Variants in GMCL2 observed in about 807,000 individuals in gnomAD.
GMCL2 encodes germ cell-less 2, spermatogenesis associated.
In GMCL2, 33 loss-of-function variants were observed where a neutral mutation model predicts 36.2. The observed-to-expected ratio is 0.91, with a 90% CI of 0.69 to 1.22. The LOEUF (loss-of-function observed/expected upper bound fraction) is 1.22. Among genes scored for constraint, GMCL2 ranks in the 50% most tolerant of loss-of-function variants. The pLI is 0.00. For missense variants in GMCL2, 478 were observed against 514.5 expected, an observed-to-expected ratio of 0.93 and a Z score of 0.69; for synonymous variants, 172 against 184.3, an observed-to-expected ratio of 0.93 and a Z score of 0.54.
At position 178,186,356 on chromosome 5, in the gene GMCL2, C is replaced by T. The variant is rs753440054; in HGVS notation, c.944G>A (p.Gly315Asp). 1 of 1,536,638 alleles carries T rather than the reference C, an allele frequency of 6.5e-7. No homozygotes were observed. The highest frequency in any genetic ancestry group is 1.1e-5 in the South Asian group (1 of 89,450). ...TGGTTCAGTTTCAAGAAAGGCCATA[C>T]CTTCAAAATCTTTTCTCTGTTTAGA... ...WFSKQRKDFE[G>D]MAFLETEPGK... The change falls in exon 1 of 1, where the codon GGT becomes GAT. Residue 315 changes from glycine (G) to aspartate (D), a missense_variant. Transcript: ENST00000463439.
At position 178,184,582 on chromosome 5, in the gene GMCL2, C is replaced by T. The variant is rs1030640055; in HGVS notation, c.*1137G>A. Among the ~76,000 whole-genome samples, 28 of 152,140 alleles carry T rather than the reference C, an allele frequency of 1.8e-4. No individual in the cohort carries two copies. The highest frequency in any genetic ancestry group is 6.8e-4 in the African/African-American group (28 of 41,434). On this transcript the variant is annotated 3_prime_UTR_variant, in exon 1 of 1. Coordinates refer to ENST00000463439, the MANE Select transcript of GMCL2 (RefSeq NM_001358008.2). Reference sequence around the variant, plus strand: ...TTTTAAAAGCCAGAATAAAAATATACATTAACCACAGAAGTACTTACTCTA... The same window carrying T: ...TTTTAAAAGCCAGAATAAAAATATATATTAACCACAGAAGTACTTACTCTA...
At position 178,186,884 on chromosome 5, in the gene GMCL2, G is replaced by T. The variant is rs781097846; in HGVS notation, c.416C>A (p.Ser139Tyr). The T allele has an allele frequency of 6.2e-7, 1 of 1,609,306 alleles. No homozygotes were observed. The highest frequency in any genetic ancestry group is 1.7e-5 in the Admixed American group (1 of 60,008). ...SGYFSSMFSG[S>Y]WKESSMNIIE... ...AATATTCATGCTGGATTCTTTCCAAGAACCACTGAACATACTAGAAAAGTA... is the reference window on the plus strand; with the variant it reads ...AATATTCATGCTGGATTCTTTCCAATAACCACTGAACATACTAGAAAAGTA... The change falls in exon 1 of 1, where the codon TCT becomes TAT. Residue 139 changes from serine to tyrosine, a missense_variant. By Grantham distance (144) the Ser-to-Tyr change is moderately radical (BLOSUM62 -2). Coordinates refer to ENST00000463439, the MANE Select transcript of GMCL2 (RefSeq NM_001358008.2).
Position 178,187,348 on chromosome 5 carries a change from GGCCATGGCCCGGC to G in GMCL2, c.-62_-50del. The G allele has an allele frequency of 2.8e-6, 2 of 712,980 alleles. No homozygotes were observed. The highest frequency in any genetic ancestry group is 1.8e-5 in the African/African-American group (1 of 56,086). The allele number at this position is 712,980 out of a possible 1,614,324, so 44.2% of individuals were successfully genotyped here. On this transcript the variant is annotated 5_prime_UTR_variant, in exon 1 of 1. The change abolishes an upstream ATG in the 5' untranslated region. Coordinates refer to ENST00000463439, the MANE Select transcript of GMCL2 (RefSeq NM_001358008.2). ...AGGGAGCCCAGAGGAGGGGGTCTCT[GGCCATGGCCCGGC>G]CGCCGCCGCCAGCCTTCCCCGAGCA...
At position 178,186,424 on chromosome 5, in the gene GMCL2, A is replaced by T. The variant is rs1388984935; in HGVS notation, c.876T>A (p.Asn292Lys). 4.3e-6 allele frequency: 7 copies of T among 1,611,512 alleles called. No homozygotes were observed. The highest frequency in any genetic ancestry group is 5.1e-6 in the Non-Finnish European group (6 of 1,177,652). ...WMFLQLVPSW[N>K]GSLKQLLTET... is the part of the protein sequence containing the mutation. ...CTGTCAAAAGCTGTTTTAAAGATCC[A>T]TTCCAAGAAGGCACAAGTTGAAGGA... Residue 292 changes from asparagine to lysine, a missense_variant, in exon 1 of 1, where the codon AAT becomes AAA. By Grantham distance (94) the Asn-to-Lys change is moderately conservative. Around this residue, in one of 5 missense-constraint regions of GMCL2, gnomAD observed 175 missense variants for 208.0 expected, o/e 0.84. Transcript: ENST00000463439.
In GMCL2 at chr5:178,186,807, C is replaced by T. The variant is rs1430153262; in HGVS notation, c.493G>A (p.Ala165Thr). Residue 165 changes from alanine (A) to threonine (T), a missense_variant, in exon 1 of 1, where the codon GCG (alanine) becomes ACG (threonine). Ala to Thr is a moderately conservative substitution (Grantham distance 58). Transcript: ENST00000463439. The stretch of plus-strand genomic sequence containing the variant: ...TCATCTCGATACAGTGAACCAAACG[C>T]AACCTGCAGTGCGTCTACATCAATG... ...QNIDVDALQV[A>T]FGSLYRDDVL... 2 of 1,610,378 alleles carry T rather than the reference C, an allele frequency of 1.2e-6. No individual in the cohort carries two copies. The highest frequency in any genetic ancestry group is 1.3e-5 in the African/African-American group (1 of 74,958).
At position 178,187,271 on chromosome 5, in the gene GMCL2, C is replaced by A; in HGVS notation, c.29G>T (p.Gly10Val). MGSSSSRVL[G>V]QPRRALAQQE... is the part of the protein sequence containing the mutation. ...CTGGGCAAGGGCTCGCCTCGGCTGG[C>A]CCAGCACCCGGCTGCTCGACGATCC... is the stretch of plus-strand genomic sequence containing the variant. The change falls in exon 1 of 1, where the codon GGC becomes GTC. Residue 10 changes from glycine to valine, a missense_variant. By Grantham distance (109) the Gly-to-Val change is moderately radical. Coordinates refer to ENST00000463439, the MANE Select transcript of GMCL2 (RefSeq NM_001358008.2). 1.1e-6 allele frequency: 1 copy of A among 941,040 alleles called. No individual in the cohort carries two copies. The highest frequency in any genetic ancestry group is 1.7e-6 in the Non-Finnish European group (1 of 605,084). 58.3% of individuals were successfully genotyped at this position (941,040 alleles called of 1,614,324 possible). A position where few individuals can be genotyped will look rare whatever the true frequency, so the allele number is the denominator to read the frequency against.
chr5:178,186,932 T>G lies in GMCL2; in HGVS notation c.368A>C (p.Lys123Thr). The change falls in exon 1 of 1, where the codon AAA becomes ACA. Residue 123 changes from lysine (K) to threonine (T), a missense_variant. By Grantham distance (78) the Lys-to-Thr change is moderately conservative. This residue lies in a region of GMCL2 where 36 missense variants were observed against 78.1 expected (regional missense o/e 0.46). Transcript: ENST00000463439. Reference sequence around the variant, plus strand: ...GTAGCCAGATTGACATAAATATATTTTGTGTAATCGCCATTCTTCTCCTAG... The same window carrying G: ...GTAGCCAGATTGACATAAATATATTGTGTGTAATCGCCATTCTTCTCCTAG... ...CALGEEWRLH[K>T]IYLCQSGYFS... 1 of 1,560,974 alleles carries G rather than the reference T, an allele frequency of 6.4e-7. No individual in the cohort carries two copies. The highest frequency in any genetic ancestry group is 8.8e-7 in the Non-Finnish European group (1 of 1,131,322).
rs1240737792 is a variant in GMCL2, at chr5:178,186,404, A to G, written c.896T>C (p.Leu299Ser). 5 of 1,611,686 alleles carry G rather than the reference A, an allele frequency of 3.1e-6. No homozygotes were observed. In the African/African-American group the frequency reaches 6.7e-5, roughly 22 times the overall value. Residue 299 changes from leucine to serine, a missense_variant, in exon 1 of 1, where the codon TTG becomes TCG. Leu to Ser is a moderately radical substitution (Grantham distance 145). Transcript: ENST00000463439. ...AGAAAACCAGACATCTGTTTCTGTC[A>G]AAAGCTGTTTTAAAGATCCATTCCA... Reference protein sequence around the residue: ...PSWNGSLKQLLTETDVWFSKQ... With the variant: ...PSWNGSLKQLSTETDVWFSKQ...
Position 178,187,074 on chromosome 5 carries a change from C to A in GMCL2, c.226G>T (p.Asp76Tyr). ...GTGTTGAGGAGCGGCTGCTGCTTGTCCCCCTCCTCCTCATGCTCCTCCCTG... is the reference window on the plus strand; with the variant it reads ...GTGTTGAGGAGCGGCTGCTGCTTGTACCCCTCCTCCTCATGCTCCTCCCTG... ...SHREEHEEEG[D>Y]KQQPLLNTPA... The change falls in exon 1 of 1, where the codon GAC becomes TAC. Residue 76 changes from aspartate (D) to tyrosine (Y), a missense_variant. Coordinates refer to ENST00000463439, the MANE Select transcript of GMCL2 (RefSeq NM_001358008.2). The A allele has an allele frequency of 9.5e-7, 1 of 1,050,364 alleles. No individual in the cohort carries two copies. The highest frequency in any genetic ancestry group is 1.5e-6 in the Non-Finnish European group (1 of 688,210). The allele number at this position is 1,050,364 out of a possible 1,614,324, so 65.1% of individuals were successfully genotyped here. A position where few individuals can be genotyped will look rare whatever the true frequency, so the allele number is the denominator to read the frequency against.
rs1312083129 is a variant in GMCL2 at position 178,185,235 on chromosome 5, A to G, written c.*484T>C. Among the ~76,000 whole-genome samples, 3 of 152,364 alleles carry G rather than the reference A, an allele frequency of 2.0e-5. No individual in the cohort carries two copies. The highest frequency in any genetic ancestry group is 1.9e-4 in the East Asian group (1 of 5,190). On this transcript the variant is annotated 3_prime_UTR_variant, in exon 1 of 1. Coordinates refer to ENST00000463439, the MANE Select transcript of GMCL2 (RefSeq NM_001358008.2). ...TATTAGACTAAAAGGAGGAATCATA[A>G]TGAGCAGGTAAAAATATTAAAGGAA... is the stretch of plus-strand genomic sequence containing the variant.
rs1388048256 is a variant in GMCL2 at position 178,186,410 on chromosome 5, T to A, written c.890A>T (p.Gln297Leu). The A allele has an allele frequency of 4.3e-6, 7 of 1,611,912 alleles. No individual in the cohort carries two copies. Among genetic ancestry groups the A allele is most frequent in the Non-Finnish European group, 5.9e-6 (7 of 1,177,900 alleles). Residue 297 changes from glutamine (Q) to leucine (L), a missense_variant, in exon 1 of 1, where the codon CAG becomes CTG. By Grantham distance (113) the Gln-to-Leu change is moderately radical. Transcript: ENST00000463439. Reference sequence around the variant, plus strand: ...CCAGACATCTGTTTCTGTCAAAAGCTGTTTTAAAGATCCATTCCAAGAAGG... The same window carrying A: ...CCAGACATCTGTTTCTGTCAAAAGCAGTTTTAAAGATCCATTCCAAGAAGG... ...LVPSWNGSLK[Q>L]LLTETDVWFS...
In GMCL2 at chr5:178,186,379, A is replaced by T. The variant is rs752085109; in HGVS notation, c.921T>A (p.Ser307=). 5 of 1,601,224 alleles carry T rather than the reference A, an allele frequency of 3.1e-6. No homozygotes were observed. The East Asian group carries it at 8.9e-5, about 29-fold the overall frequency. Residue 307 remains serine (S), a synonymous_variant, in exon 1 of 1, where the codon TCT becomes TCA. Transcript: ENST00000463439. ...TACCTTCAAAATCTTTTCTCTGTTT[A>T]GAAAACCAGACATCTGTTTCTGTCA... ...QLLTETDVWF[S]KQRKDFEGMA...
In GMCL2 at chr5:178,186,078, A is replaced by G. The variant is rs1354386151; in HGVS notation, c.1222T>C (p.Tyr408His). 6 of 781,408 alleles carry G rather than the reference A, an allele frequency of 7.7e-6. No individual in the cohort carries two copies. The highest frequency in any genetic ancestry group is 5.1e-5 in the Admixed American group (3 of 58,526). The allele number at this position is 781,408 out of a possible 1,614,324, so 48.4% of individuals were successfully genotyped here. A position where few individuals can be genotyped will look rare whatever the true frequency, so the allele number is the denominator to read the frequency against. Residue 408 changes from tyrosine (Y) to histidine (H), a missense_variant, in exon 1 of 1, where the codon TAC (tyrosine) becomes CAC (histidine). Physicochemically the swap from Tyr to His is moderately conservative, Grantham distance 83. Transcript: ENST00000463439. ...AAGTTAAAACCCGTCCAACACCAGT[A>G]GTATTCACCATCTTTGGCAAGCTTT... ...GRKLAKDGEY[Y>H]WCWTGFNFGF...
At position 178,185,946 on chromosome 5, in the gene GMCL2, T is replaced by C. The variant is rs751681605; in HGVS notation, c.1354A>G (p.Ile452Val). 7.8e-6 allele frequency: 6 copies of C among 769,058 alleles called. No homozygotes were observed. The highest frequency in any genetic ancestry group is 5.1e-5 in the African/African-American group (3 of 58,684). The allele number at this position is 769,058 out of a possible 1,614,324, so 47.6% of individuals were successfully genotyped here. A position where few individuals can be genotyped will look rare whatever the true frequency, so the allele number is the denominator to read the frequency against. The change falls in exon 1 of 1, where the codon ATA becomes GTA. Residue 452 changes from isoleucine (I) to valine (V), a missense_variant. Coordinates refer to ENST00000463439, the MANE Select transcript of GMCL2 (RefSeq NM_001358008.2). The stretch of plus-strand genomic sequence containing the variant: ...GAAGCCAAGCGTAATCTAAATGCTA[T>C]GCTCCTTCGAGGCCGTAAACTGACA... ...GSVSLRPRRSIAFRLRLASFD... is the reference protein window; with the variant it reads ...GSVSLRPRRSVAFRLRLASFD...
chr5:178,185,866 A>G lies in GMCL2; in HGVS notation c.1434T>C (p.Leu478=). ...CTTGTTCCTGATCCTTTTTAAGTATAAGTATTTGATAGCCAGTTGTTCTAC... is the reference window on the plus strand; with the variant it reads ...CTTGTTCCTGATCCTTTTTAAGTATGAGTATTTGATAGCCAGTTGTTCTAC... The part of the protein sequence containing the change: ...VCSRTTGYQI[L]ILKKDQEQVV... Residue 478 remains leucine (L), a synonymous_variant, in exon 1 of 1, where the codon CTT becomes CTC. Transcript: ENST00000463439. 1 of 863,014 alleles carries G rather than the reference A, an allele frequency of 1.2e-6. No individual in the cohort carries two copies. The highest frequency in any genetic ancestry group is 2.0e-6 in the Non-Finnish European group (1 of 499,672). 53.5% of individuals were successfully genotyped at this position (863,014 alleles called of 1,614,324 possible). A position where few individuals can be genotyped will look rare whatever the true frequency, so the allele number is the denominator to read the frequency against.
chr5:178,186,536 T>C lies in GMCL2; in HGVS notation c.764A>G (p.Asn255Ser), dbSNP rs745603256. ...GGAACCAATGAGCTGTTTCATGACA[T>C]TTATACCGAGTTCTTTAAAAAGTTT... ...NVKLFKELGINVMKQLIGSSN... is the reference protein window; with the variant it reads ...NVKLFKELGISVMKQLIGSSN... The change falls in exon 1 of 1, where the codon AAT becomes AGT. Residue 255 changes from asparagine to serine, a missense_variant. Asn to Ser is a conservative substitution (Grantham distance 46). This residue lies in a region of GMCL2 where 175 missense variants were observed against 208.0 expected (regional missense o/e 0.84). Coordinates refer to ENST00000463439, the MANE Select transcript of GMCL2 (RefSeq NM_001358008.2). 2.0e-5 allele frequency: 26 copies of C among 1,305,626 alleles called. No individual in the cohort carries two copies. Among genetic ancestry groups the C allele is most frequent in the Non-Finnish European group, 2.7e-5 (24 of 898,404 alleles). 80.9% of individuals were successfully genotyped at this position (1,305,626 alleles called of 1,614,324 possible). A position where few individuals can be genotyped will look rare whatever the true frequency, so the allele number is the denominator to read the frequency against.
chr5:178,187,211 C>T lies in GMCL2; in HGVS notation c.89G>A (p.Arg30Gln), dbSNP rs756532427. ...CGCATCGTCTCCAGTGTCCGGCCTC[C>T]GGGCCGAGCCCCTGGCCCTGGCACC... ...EQGARARGSA[R>Q]RPDTGDDAAS... Residue 30 changes from arginine (R) to glutamine (Q), a missense_variant, in exon 1 of 1, where the codon CGG becomes CAG. Coordinates refer to ENST00000463439, the MANE Select transcript of GMCL2 (RefSeq NM_001358008.2). The T allele has an allele frequency of 4.0e-5, 48 of 1,185,302 alleles. No homozygotes were observed. Among genetic ancestry groups the T allele is most frequent in the Admixed American group, 8.0e-5 (4 of 50,252 alleles). The allele number at this position is 1,185,302 out of a possible 1,614,324, so 73.4% of individuals were successfully genotyped here. A position where few individuals can be genotyped will look rare whatever the true frequency, so the allele number is the denominator to read the frequency against.
rs1421108586 is a variant in GMCL2 at position 178,185,955 on chromosome 5, G to T, written c.1345C>A (p.Arg449=). Residue 449 remains arginine, a synonymous_variant, in exon 1 of 1, where the codon CGA becomes AGA. Coordinates refer to ENST00000463439, the MANE Select transcript of GMCL2 (RefSeq NM_001358008.2). ...CGTAATCTAAATGCTATGCTCCTTC[G>T]AGGCCGTAAACTGACAGACCCGCTG... ...PRSGSVSLRP[R]RSIAFRLRLA... The T allele has an allele frequency of 1.3e-6, 1 of 768,216 alleles. No individual in the cohort carries two copies. The highest frequency in any genetic ancestry group is 2.5e-5 in the East Asian group (1 of 40,502). The allele number at this position is 768,216 out of a possible 1,614,324, so 47.6% of individuals were successfully genotyped here.
Position 178,186,528 on chromosome 5 carries a change from T to C in GMCL2, c.772A>G (p.Lys258Glu). The C allele has an allele frequency of 7.6e-7, 1 of 1,311,910 alleles. No homozygotes were observed. Among genetic ancestry groups the C allele is most frequent in the Non-Finnish European group, 1.1e-6 (1 of 903,960 alleles). The allele number at this position is 1,311,910 out of a possible 1,614,324, so 81.3% of individuals were successfully genotyped here. Reference protein sequence around the residue: ...LFKELGINVMKQLIGSSNLFV... With the variant: ...LFKELGINVMEQLIGSSNLFV... ...AAGTTAGAGGAACCAATGAGCTGTT[T>C]CATGACATTTATACCGAGTTCTTTA... The change falls in exon 1 of 1, where the codon AAA (lysine) becomes GAA (glutamate). Residue 258 changes from lysine (K) to glutamate (E), a missense_variant. Lys to Glu is a moderately conservative substitution (Grantham distance 56). This residue lies in a region of GMCL2 where 175 missense variants were observed against 208.0 expected (regional missense o/e 0.84). Transcript: ENST00000463439.
Sources: gnomAD v4.1 joint callset for allele counts (sites outside exome capture counted in the v4.1 genomes callset) on GRCh38, gnomAD v4.1.1 for gene constraint, gnomAD v4.1.1 regional missense constraint, MANE v1.5 for transcripts, NCBI Gene and HGNC (gene_info 2026-07-23, HGNC 2026-07-21) for gene names.